The following IFNL3 variants were observed in gnomAD, a reference collection of about 807,000 sequenced individuals.
IFNL3 encodes the protein interferon lambda-3.
In IFNL3, 16 loss-of-function variants were observed where a neutral mutation model predicts 16.3. The observed-to-expected ratio is 0.98, with a 90% CI of 0.67 to 1.50. The LOEUF is 1.50. IFNL3 is among the 40% of genes most tolerant of loss of function. The pLI, the probability that IFNL3 is intolerant of heterozygous loss-of-function variation, is 0.00. For synonymous variants in IFNL3, 115 were observed against 115.3 expected, an observed-to-expected ratio of 1.00 and a Z score of 0.02; for missense variants, 254 against 253.5, an observed-to-expected ratio of 1.00 and a Z score of -0.01.
chr19:39,244,142 C>A lies in IFNL3; in HGVS notation c.274G>T (p.Val92Leu). ...LRQLQVRERP[V>L]ALEAELALTL... ...AGGGCCAGCTCAGCCTCCAAAGCCA[C>A]GGGGCGCTCCCTCACCTGAGGAGAG... is the stretch of plus-strand genomic sequence containing the variant. Residue 92 changes from valine to leucine, a missense_variant, in exon 3 of 5, where the codon GTG becomes TTG. Val to Leu is a conservative substitution (Grantham distance 32). Coordinates refer to ENST00000413851, the MANE Select transcript of IFNL3 (RefSeq NM_172139.4). The A allele has an allele frequency of 6.2e-7, 1 of 1,613,374 alleles. No homozygotes were observed. Among genetic ancestry groups the A allele is most frequent in the Non-Finnish European group, 8.5e-7 (1 of 1,179,646 alleles).
Position 39,244,982 on chromosome 19 carries a change from G to C in IFNL3, c.-15C>G. The C allele has an allele frequency of 1.2e-6, 2 of 1,613,992 alleles. No homozygotes were observed. Among genetic ancestry groups the C allele is most frequent in the Non-Finnish European group, 1.7e-6 (2 of 1,179,872 alleles). ...TCCCCGGTCATGTCTGTGTCACAGA[G>C]AGAAAGGGAGCTGAGGGAATGCAGA... On this transcript the variant is annotated 5_prime_UTR_variant, in exon 1 of 5. Transcript: ENST00000413851.
chr19:39,244,233 A>C, intron 2 of IFNL3, 76 bp from the exon 3 acceptor site: 1 of 1,583,734 alleles, frequency 6.3e-7, no homozygotes, highest in South Asian at 1.2e-5. Context: ...AGAGAGGAAC[A>C]AGTGAAGGTG....
chr19:39,244,776 G>C lies in IFNL3; in HGVS notation c.180+12C>G. 1.9e-6 allele frequency: 3 copies of C among 1,608,444 alleles called. No homozygotes were observed. Among genetic ancestry groups the C allele is most frequent in the Non-Finnish European group, 2.6e-6 (3 of 1,176,126 alleles). On this transcript the variant is annotated intron_variant, in intron 1 of 4. Transcript: ENST00000413851. ...AGGCTAGTCCATGGCAGGAGGGCAG[G>C]GGGAGACTCACTAAGGCATCTTTGG...
chr19:39,243,961 G>T (rs748576869), intron 3 of IFNL3, 47 bp downstream of exon 3: 11 of 1,611,104 alleles, frequency 6.8e-6, no homozygotes, highest in East Asian at 2.2e-5. Flanking sequence ...GGGGAAGGAC[G>T]CTGCTCAGAG....
chr19:39,243,672 C>T lies in IFNL3; in HGVS notation c.551G>A (p.Arg184Gln), dbSNP rs201104473. Residue 184 changes from arginine to glutamine, a missense_variant, in exon 5 of 5, where the codon CGA (arginine) becomes CAA (glutamine). Transcript: ENST00000413851. ...CCCGCTGGCAACACAATTCAGGTCT[C>T]GCGTGAGGAGGCGGAAGAGGTTGAA... ...VTFNLFRLLTRDLNCVASGDL... is the reference protein window; with the variant it reads ...VTFNLFRLLTQDLNCVASGDL... 1.3e-5 allele frequency: 21 copies of T among 1,605,920 alleles called. No homozygotes were observed. The highest frequency in any genetic ancestry group is 5.6e-5 in the South Asian group (5 of 89,786).
rs201406523 is a variant in IFNL3 at position 39,244,139 on chromosome 19, C to T, written c.277G>A (p.Ala93Thr). Reference sequence around the variant, plus strand: ...GTCAGGGCCAGCTCAGCCTCCAAAGCCACGGGGCGCTCCCTCACCTGAGGA... The same window carrying T: ...GTCAGGGCCAGCTCAGCCTCCAAAGTCACGGGGCGCTCCCTCACCTGAGGA... ...RQLQVRERPV[A>T]LEAELALTLK... The change falls in exon 3 of 5, where the codon GCT becomes ACT. Residue 93 changes from alanine to threonine, a missense_variant. Coordinates refer to ENST00000413851, the MANE Select transcript of IFNL3 (RefSeq NM_172139.4). The T allele has an allele frequency of 1.2e-6, 2 of 1,614,020 alleles. No homozygotes were observed. The highest frequency in any genetic ancestry group is 1.1e-5 in the South Asian group (1 of 91,080).
rs2074932337 is a variant in IFNL3 at position 39,244,329 on chromosome 19, C to A, written c.258+88G>T. On this transcript the variant is annotated intron_variant, in intron 2 of 4. Coordinates refer to ENST00000413851, the MANE Select transcript of IFNL3 (RefSeq NM_172139.4). ...CAGGTGTGGGGAGAGGAGAGAGGGACAATGGAGAAGGAGAAGGTGAAGGGG... is the reference window on the plus strand; with the variant it reads ...CAGGTGTGGGGAGAGGAGAGAGGGAAAATGGAGAAGGAGAAGGTGAAGGGG... 3 of 1,491,138 alleles carry A rather than the reference C, an allele frequency of 2.0e-6. No homozygotes were observed. The African/African-American group carries it at 4.2e-5, about 21-fold the overall frequency. The allele number at this position is 1,491,138 out of a possible 1,614,324, so 92.4% of individuals were successfully genotyped here. A position where few individuals can be genotyped will look rare whatever the true frequency, so the allele number is the denominator to read the frequency against.
rs775604132 is a variant in IFNL3 at position 39,243,997 on chromosome 19, T to C, written c.408+11A>G. On this transcript the variant is annotated intron_variant, in intron 3 of 4. Coordinates refer to ENST00000413851, the MANE Select transcript of IFNL3 (RefSeq NM_172139.4). ...CTCACAGACCTGGGTGCCCGGGCCC[T>C]GACGACTCACACAGGCCCGGAGCTG... The C allele has an allele frequency of 1.4e-4, 223 of 1,612,502 alleles. 1 individual carries two copies. In the East Asian group the frequency reaches 2.2e-3, roughly 16 times the overall value.
chr19:39,243,990 C>T lies in IFNL3; in HGVS notation c.408+18G>A, dbSNP rs745893438. 70 of 1,612,198 alleles carry T rather than the reference C, an allele frequency of 4.3e-5. No individual in the cohort carries two copies. The highest frequency in any genetic ancestry group is 3.3e-4 in the Middle Eastern group (2 of 6,080). On this transcript the variant is annotated intron_variant, in intron 3 of 4. Coordinates refer to ENST00000413851, the MANE Select transcript of IFNL3 (RefSeq NM_172139.4). ...CTCAGAGCTCACAGACCTGGGTGCC[C>T]GGGCCCTGACGACTCACACAGGCCC...
rs150569967 is a variant in IFNL3, at chr19:39,244,961, C to G, written c.7G>C (p.Gly3Arg). 1 of 1,613,978 alleles carries G rather than the reference C, an allele frequency of 6.2e-7. No individual in the cohort carries two copies. Among genetic ancestry groups the G allele is most frequent in the South Asian group, 1.1e-5 (1 of 91,070 alleles). Reference protein sequence around the residue: MTGDCMPVLVLMA... With the variant: MTRDCMPVLVLMA... ...AGCACCAGCACTGGCATGCAGTCCCCGGTCATGTCTGTGTCACAGAGAGAA... is the reference window on the plus strand; with the variant it reads ...AGCACCAGCACTGGCATGCAGTCCCGGGTCATGTCTGTGTCACAGAGAGAA... The change falls in exon 1 of 5, where the codon GGG (glycine) becomes CGG (arginine). Residue 3 changes from glycine (G) to arginine (R), a missense_variant. Transcript: ENST00000413851.
In IFNL3 at chr19:39,243,815, G is replaced by A. The variant is rs904254257; in HGVS notation, c.492+9C>T. On this transcript the variant is annotated intron_variant, in intron 4 of 4. Transcript: ENST00000413851. ...CAGACCTCAGTCCCTCTCTTCCCGG[G>A]TCACTCACCTTTTTTGGGGCCTCCT... The A allele has an allele frequency of 1.1e-5, 18 of 1,613,798 alleles. No homozygotes were observed. The highest frequency in any genetic ancestry group is 1.4e-5 in the Non-Finnish European group (17 of 1,179,890).
Position 39,244,917 on chromosome 19 carries a change from G to C in IFNL3, c.51C>G (p.Thr17=), listed in dbSNP as rs200133361. Residue 17 remains threonine (T), a synonymous_variant, in exon 1 of 5, where the codon ACC becomes ACG. Transcript: ENST00000413851. ...TGGCGACAGGAACTGCTCCAGTCAC[G>C]GTCAGCACTGCGGCCATCAGCACCA... The part of the protein sequence containing the change: ...PVLVLMAAVL[T]VTGAVPVARL... 3 of 1,613,854 alleles carry C rather than the reference G, an allele frequency of 1.9e-6. No individual in the cohort carries two copies. Among genetic ancestry groups the C allele is most frequent in the African/African-American group, 1.3e-5 (1 of 74,906 alleles).
intron 3 of IFNL3, 25 bp from the exon 4 acceptor site, chr19:39,243,932 T>A (rs1326605283): frequency 6.2e-7 from 1 of 1,611,852 alleles, no homozygotes; most frequent in Admixed American, 1.7e-5. Context: ...GGGCGGTGTG[T>A]GAGCCGGGGC....
In IFNL3 at chr19:39,244,015, C is replaced by G; in HGVS notation, c.401G>C (p.Arg134Pro). The change falls in exon 3 of 5, where the codon CGG becomes CCG. Residue 134 changes from arginine (R) to proline (P), a missense_variant. Arg to Pro is a moderately radical substitution (Grantham distance 103). Transcript: ENST00000413851. ...HTLHHILSQLRACIQPQPTAG... is the reference protein window; with the variant it reads ...HTLHHILSQLPACIQPQPTAG... ...CGGGCCCTGACGACTCACACAGGCC[C>G]GGAGCTGGGAGAGGATATGGTGCAG... 5 of 1,613,902 alleles carry G rather than the reference C, an allele frequency of 3.1e-6. No individual in the cohort carries two copies. The highest frequency in any genetic ancestry group is 4.2e-6 in the Non-Finnish European group (5 of 1,179,844).
rs200058568 is a variant in IFNL3 at position 39,244,047 on chromosome 19, A to G, written c.369T>C (p.Leu123=). 3.7e-6 allele frequency: 6 copies of G among 1,614,176 alleles called. No individual in the cohort carries two copies. Among genetic ancestry groups the G allele is most frequent in the Non-Finnish European group, 5.1e-6 (6 of 1,180,026 alleles). The change falls in exon 3 of 5, where the codon CTT becomes CTC. Residue 123 remains leucine (L), a synonymous_variant. Coordinates refer to ENST00000413851, the MANE Select transcript of IFNL3 (RefSeq NM_172139.4). ...PALGDVLDQP[L]HTLHHILSQL... ...GGGAGAGGATATGGTGCAGGGTGTG[A>G]AGGGGCTGGTCCAAGACATCCCCCA...
intron 2 of IFNL3, 128 bp downstream of exon 2, chr19:39,244,289 A>T (rs564786597): frequency 3.4e-6 from 5 of 1,479,094 alleles, no homozygotes; most frequent in Non-Finnish European, 4.6e-6. Context: ...AGGTAGGAGC[A>T]GAGGGAAGGG....
Position 39,244,957 on chromosome 19 carries a change from T to A in IFNL3, c.11A>T (p.Asp4Val). ...CATCAGCACCAGCACTGGCATGCAG[T>A]CCCCGGTCATGTCTGTGTCACAGAG... MTG[D>V]CMPVLVLMAA... Residue 4 changes from aspartate to valine, a missense_variant, in exon 1 of 5, where the codon GAC (aspartate) becomes GTC (valine). Coordinates refer to ENST00000413851, the MANE Select transcript of IFNL3 (RefSeq NM_172139.4). The A allele has an allele frequency of 6.2e-7, 1 of 1,613,802 alleles. No individual in the cohort carries two copies. Among genetic ancestry groups the A allele is most frequent in the South Asian group, 1.1e-5 (1 of 91,058 alleles).
Position 39,244,140 on chromosome 19 carries a change from C to G in IFNL3, c.276G>C (p.Val92=). Residue 92 remains valine (V), a synonymous_variant, in exon 3 of 5, where the codon GTG becomes GTC. Transcript: ENST00000413851. The part of the protein sequence containing the change: ...LRQLQVRERP[V]ALEAELALTL... ...TCAGGGCCAGCTCAGCCTCCAAAGC[C>G]ACGGGGCGCTCCCTCACCTGAGGAG... 1 of 1,614,144 alleles carries G rather than the reference C, an allele frequency of 6.2e-7. No homozygotes were observed. The highest frequency in any genetic ancestry group is 8.5e-7 in the Non-Finnish European group (1 of 1,180,024).
downstream of IFNL3, chr19:39,243,537 A>G (rs112990542): frequency 8.9e-4 from 1,208 of 1,359,252 alleles, 1 homozygote; most frequent in Admixed American, 1.2e-3. Context: ...TTGGATTTAC[A>G]TACACAAATA....
Sources: allele counts gnomAD v4.1 joint callset, GRCh38; gene constraint gnomAD v4.1.1; transcripts MANE v1.5; gene names NCBI Gene and HGNC (gene_info 2026-07-23, HGNC 2026-07-21).